The following ABCC1 variants were observed in gnomAD, a reference collection of about 807,000 sequenced individuals.
The protein encoded by ABCC1 is multidrug resistance-associated protein 1.
Under a neutral mutation model 172.9 loss-of-function variants are expected in ABCC1, and 83 were observed. That is an observed-to-expected ratio of 0.48 (90% CI 0.40 to 0.58). The LOEUF (loss-of-function observed/expected upper bound fraction) is 0.58, where lower values mean the gene tolerates loss of function less well. ABCC1 is among the 20% of genes least tolerant of loss of function. The probability of loss-of-function intolerance (pLI) is 0.00; values close to 1 mark genes in which losing one functional copy is unlikely to be tolerated. For missense variants in ABCC1, 1,817 were observed against 2,002.7 expected (o/e 0.91, Z 1.77); for synonymous variants, 937 against 825.2 (o/e 1.14, Z -2.32).
intron 1 of ABCC1, among the ~76,000 whole-genome samples, chr16:15,966,003 C>T (rs2046234143): frequency 6.6e-6 from 1 of 152,128 alleles, no homozygotes; most frequent in Admixed American, 6.5e-5. Flanking sequence ...TCTGAAAAGG[C>T]TTCACTCTAG....
chr16:15,970,806 G>C (rs1347656911), intron 1 of ABCC1, among the ~76,000 whole-genome samples: 1 of 152,072 alleles, frequency 6.6e-6, no homozygotes, highest in African/African-American at 2.4e-5. Context: ...TGTTGTCCAG[G>C]TTGGTTTCAA....
At chr16:16,103,956 C>T (rs1017844664) in intron 20 of ABCC1, among the ~76,000 whole-genome samples, 6 of 152,032 alleles carry the variant, frequency 3.9e-5, no homozygotes, top group African/African-American at 1.2e-4. Context: ...GGAGTTTCTT[C>T]CTTCTGGTGG....
At chr16:15,990,705 A>G (rs571211467) in intron 1 of ABCC1, among the ~76,000 whole-genome samples, 1 of 151,366 alleles carries the variant, frequency 6.6e-6, no homozygotes, top group South Asian at 2.1e-4. Context: ...GCTGGAGTGC[A>G]GTGGCACGAT....
intron 6 of ABCC1, among the ~76,000 whole-genome samples, chr16:16,035,433 A>G (rs2048717276): frequency 6.6e-6 from 1 of 152,046 alleles, no homozygotes; most frequent in East Asian, 1.9e-4. Flanking sequence ...CCCAGATTTC[A>G]TGCTTACTAA....
At chr16:16,005,695 G>A (rs980627575) in intron 1 of ABCC1, among the ~76,000 whole-genome samples, 3 of 152,136 alleles carry the variant, frequency 2.0e-5, no homozygotes, top group African/African-American at 7.2e-5. Flanking sequence ...GGTGGCTCAC[G>A]CCTGTCATTC....
chr16:16,081,806 G>C (rs2050815747), intron 16 of ABCC1, among the ~76,000 whole-genome samples: 1 of 152,046 alleles, frequency 6.6e-6, no homozygotes, highest in African/African-American at 2.4e-5. Flanking sequence ...GATCACCTGA[G>C]GTCAGGAGTT....
chr16:16,083,558 A>T lies in ABCC1; in HGVS notation c.2292+16A>T, dbSNP rs2050888672. ...TGGCGAGAAGGTCAGTATAGGTTGG[A>T]TGTTGGCCCCTGAATCAGTCAGCTG... On this transcript the variant is annotated intron_variant, in intron 17 of 30. Coordinates refer to ENST00000399410, the MANE Select transcript of ABCC1 (RefSeq NM_004996.4). 1 of 1,596,082 alleles carries T rather than the reference A, an allele frequency of 6.3e-7. No homozygotes were observed. The highest frequency in any genetic ancestry group is 1.3e-5 in the African/African-American group (1 of 74,706).
rs947296496 is a variant in ABCC1, at chr16:16,102,624, C to T, written c.2645-3C>T. On this transcript the variant is annotated splice_polypyrimidine_tract_variant and splice_region_variant and intron_variant, in intron 19 of 30. Coordinates refer to ENST00000399410, the MANE Select transcript of ABCC1 (RefSeq NM_004996.4). ...CTTGCCCCCTTTGTCTCTCTTCTGCCAGGGGTCACGGGCGTCAGCGGTCCA... is the reference window on the plus strand; with the variant it reads ...CTTGCCCCCTTTGTCTCTCTTCTGCTAGGGGTCACGGGCGTCAGCGGTCCA... The T allele has an allele frequency of 1.9e-6, 3 of 1,575,068 alleles. No individual in the cohort carries two copies. The highest frequency in any genetic ancestry group is 1.7e-6 in the Non-Finnish European group (2 of 1,159,786).
At position 16,025,857 on chromosome 16, in the gene ABCC1, A is replaced by G. The variant is rs1265926669; in HGVS notation, c.616-7252A>G. Among the ~76,000 whole-genome samples, 18 of 152,262 alleles carry G rather than the reference A, an allele frequency of 1.2e-4. 1 individual carries two copies. In the East Asian group the frequency reaches 3.1e-3, roughly 26 times the overall value. On this transcript the variant is annotated intron_variant, in intron 5 of 30. Coordinates refer to ENST00000399410, the MANE Select transcript of ABCC1 (RefSeq NM_004996.4). ...ACTTCTCTGAATTGTTTTCATTTCAAATGAAAGAGGGACCAGTTCACAAGC... is the reference window on the plus strand; with the variant it reads ...ACTTCTCTGAATTGTTTTCATTTCAGATGAAAGAGGGACCAGTTCACAAGC...
intron 28 of ABCC1, 25 bp from the exon 29 acceptor site, chr16:16,136,453 C>A (rs767957672): frequency 6.2e-7 from 1 of 1,611,260 alleles, no homozygotes; most frequent in Admixed American, 1.7e-5. Context: ...TGTCACATGC[C>A]GTCCACTCTC....
intron 21 of ABCC1, among the ~76,000 whole-genome samples, chr16:16,110,735 A>G (rs1170688638): frequency 6.6e-6 from 1 of 152,062 alleles, no homozygotes; most frequent in African/African-American, 2.4e-5. Flanking sequence ...ACCTCCCCCA[A>G]TACCTCTCTA....
At chr16:16,071,091 AT>A (rs1259901114) in intron 13 of ABCC1, among the ~76,000 whole-genome samples, 1 of 150,684 alleles carries the variant, frequency 6.6e-6, no homozygotes, top group African/African-American at 2.4e-5. Flanking sequence ...ATTTTTATTT[AT>A]TTATTTTTTG....
chr16:16,090,346 C>G, intron 18 of ABCC1, 59 bp from the exon 19 acceptor site: 1 of 1,476,220 alleles, frequency 6.8e-7, no homozygotes, highest in Non-Finnish European at 9.0e-7. Flanking sequence ...TTCACTCTGC[C>G]AAGCTAGGCA....
intron 23 of ABCC1, among the ~76,000 whole-genome samples, chr16:16,115,344 T>C (rs1360022107): frequency 2.0e-5 from 3 of 152,186 alleles, no homozygotes; most frequent in Non-Finnish European, 2.9e-5. Context: ...TAAAGACAAC[T>C]TCATTATTAA....
At chr16:16,094,817 T>C (rs2051403462) in intron 19 of ABCC1, among the ~76,000 whole-genome samples, 1 of 142,888 alleles carries the variant, frequency 7.0e-6, no homozygotes, top group African/African-American at 2.6e-5. Context: ...GCCTGGCCTT[T>C]TTTTTTTTTT....
chr16:16,068,248 C>T lies in ABCC1; in HGVS notation c.1770C>T (p.Asn590=). The change falls in exon 13 of 31, where the codon AAC becomes AAT. Residue 590 remains asparagine (N), a synonymous_variant. Coordinates refer to ENST00000399410, the MANE Select transcript of ABCC1 (RefSeq NM_004996.4). ...QTAFVSLALF[N]ILRFPLNILP... is the part of the protein sequence containing the mutation. ...CCTTCGTGTCTTTGGCCTTGTTCAA[C>T]ATCCTCCGGTTTCCCCTGAACATTC... The T allele has an allele frequency of 6.2e-7, 1 of 1,614,168 alleles. No individual in the cohort carries two copies. Among genetic ancestry groups the T allele is most frequent in the Non-Finnish European group, 8.5e-7 (1 of 1,180,040 alleles).
rs143810896 is a variant in ABCC1, at chr16:16,140,115, G to A, written c.4488-1058G>A. 1.2e-3 allele frequency among the ~76,000 whole-genome samples: 179 copies of A among 152,292 alleles called. No homozygotes were observed. In the Middle Eastern group the frequency reaches 0.014, roughly 12 times the overall value. ...TAAAGGAAGAACATTCTAGGCAGCC[G>A]GTACAGCCGAATGTAAAAATGAATG... On this transcript the variant is annotated intron_variant, in intron 30 of 30. Transcript: ENST00000399410.
chr16:16,059,975 C>G (rs962165196), intron 12 of ABCC1, among the ~76,000 whole-genome samples: 4 of 151,872 alleles, frequency 2.6e-5, no homozygotes, highest in African/African-American at 9.7e-5. Context: ...TAAGCCTGGG[C>G]AACAGAACAA....
At chr16:16,079,617 C>A (rs2050726673) in intron 16 of ABCC1, 139 bp downstream of exon 16, 2 of 1,104,002 alleles carry the variant, frequency 1.8e-6, no homozygotes, top group Non-Finnish European at 2.5e-6. Context: ...CCTCCTGTAT[C>A]TTTCCACTGT....
Sources: allele counts gnomAD v4.1 joint callset (sites outside exome capture counted in the v4.1 genomes callset), GRCh38; gene constraint gnomAD v4.1.1; transcripts MANE v1.5; gene names NCBI Gene and HGNC (gene_info 2026-07-23, HGNC 2026-07-21).